MRPS27: variants seen among roughly 807,000 people sequenced by gnomAD.
MRPS27 encodes mitochondrial ribosomal protein S27.
A neutral mutation model predicts 48.9 loss-of-function variants in MRPS27; 43 were observed. The observed-to-expected ratio is 0.88, with a 90% CI of 0.69 to 1.13. The LOEUF (loss-of-function observed/expected upper bound fraction) is 1.13, where lower values mean the gene tolerates loss of function less well. Among genes scored for constraint, MRPS27 ranks in the 50% most tolerant of loss-of-function variants. The probability of loss-of-function intolerance (pLI) is 0.00; values close to 1 mark genes in which losing one functional copy is unlikely to be tolerated. For synonymous variants in MRPS27, 188 were observed against 171.9 expected, an observed-to-expected ratio of 1.09 and a Z score of -0.73; for missense variants, 467 against 476.3, an observed-to-expected ratio of 0.98 and a Z score of 0.18.
chr5:72,238,566 AAC>A (rs1748267439), intron 4 of MRPS27, among the ~76,000 whole-genome samples: 1 of 152,240 alleles, frequency 6.6e-6, no homozygotes, highest in Non-Finnish European at 1.5e-5. Context: ...AGCTTTGAGT[AAC>A]AGTGATACTT....
intron 10 of MRPS27, among the ~76,000 whole-genome samples, chr5:72,222,198 C>T (rs754227930): frequency 2.6e-5 from 4 of 152,170 alleles, no homozygotes; most frequent in South Asian, 2.1e-4. Context: ...AAATGTAAAA[C>T]GAAAATGATC....
chr5:72,231,106 G>A (rs895434769), intron 7 of MRPS27, among the ~76,000 whole-genome samples: 33 of 152,112 alleles, frequency 2.2e-4, no homozygotes, highest in Non-Finnish European at 3.7e-4. Context: ...CTTTTCAAGG[G>A]CTTCTCACTG....
Position 72,238,812 on chromosome 5 carries a change from T to C in MRPS27, c.282-684A>G, listed in dbSNP as rs16876660. 8.7e-3 allele frequency among the ~76,000 whole-genome samples: 1,331 copies of C among 152,250 alleles called. 28 individuals are homozygous for C. Among genetic ancestry groups the C allele is most frequent in the African/African-American group, 0.029 (1,211 of 41,560 alleles). On this transcript the variant is annotated intron_variant, in intron 4 of 10. Coordinates refer to ENST00000261413, the MANE Select transcript of MRPS27 (RefSeq NM_015084.3). ...GGATGAGTTATATACAGTAATAGTA[T>C]ACCTACAAAGGAACAGTGCTTGGAA...
intron 8 of MRPS27, 32 bp downstream of exon 8, chr5:72,228,234 A>G: frequency 2.0e-6 from 3 of 1,479,440 alleles, no homozygotes; most frequent in Non-Finnish European, 2.8e-6. Context: ...CTAACCATGA[A>G]GAACAGTATT....
intron 4 of MRPS27, chr5:72,241,759 C>A (rs898954630): frequency 1.4e-6 from 2 of 1,462,646 alleles, no homozygotes; most frequent in South Asian, 2.4e-5. Flanking sequence ...TGCAAACAGA[C>A]TGGCTTTTGT....
At chr5:72,288,935 C>T (rs1022057762) in intron 4 of MRPS27, 20 of 152,246 alleles carry the variant, frequency 1.3e-4, no homozygotes, top group African/African-American at 4.6e-4. Context: ...TTCCCCTTTT[C>T]CTACAGGCAG....
chr5:72,317,982 G>A (rs1750605857), intron 1 of MRPS27, among the ~76,000 whole-genome samples: 1 of 152,024 alleles, frequency 6.6e-6, no homozygotes, highest in Admixed American at 6.6e-5. Context: ...AATTGTCTTG[G>A]GCCACACATA....
intron 6 of MRPS27, 88 bp from the exon 7 acceptor site, chr5:72,232,646 G>A (rs572102050): frequency 3.5e-5 from 31 of 885,966 alleles, no homozygotes; most frequent in East Asian, 3.0e-4. Flanking sequence ...CTCTTAAAAC[G>A]TGGGGCATGG....
At position 72,221,079 on chromosome 5, in the gene MRPS27, G is replaced by A; in HGVS notation, c.1075C>T (p.Leu359Phe). Reference protein sequence around the residue: ...SEGLLSLTTQLVKEKLSTCEA... With the variant: ...SEGLLSLTTQFVKEKLSTCEA... ...CAGGTGGAGAGTTTTTCCTTGACAAGCTGGGTGGTCAGACTTAAAAGACCT... is the reference window on the plus strand; with the variant it reads ...CAGGTGGAGAGTTTTTCCTTGACAAACTGGGTGGTCAGACTTAAAAGACCT... Residue 359 changes from leucine (L) to phenylalanine (F), a missense_variant, in exon 11 of 11, where the codon CTT (leucine) becomes TTT (phenylalanine). Transcript: ENST00000261413. 6.2e-7 allele frequency: 1 copy of A among 1,614,176 alleles called. No individual in the cohort carries two copies. Among genetic ancestry groups the A allele is most frequent in the Non-Finnish European group, 8.5e-7 (1 of 1,180,006 alleles).
chr5:72,281,297 C>T (rs1450554108), intron 4 of MRPS27, among the ~76,000 whole-genome samples: 3 of 152,102 alleles, frequency 2.0e-5, no homozygotes, highest in Non-Finnish European at 4.4e-5. Flanking sequence ...CTCATAAATA[C>T]CCTAAAGCAC....
Position 72,320,224 on chromosome 5 carries a change from T to C in MRPS27, c.-3A>G. 1.9e-6 allele frequency: 3 copies of C among 1,613,954 alleles called. No homozygotes were observed. Among genetic ancestry groups the C allele is most frequent in the Non-Finnish European group, 2.5e-6 (3 of 1,179,886 alleles). The stretch of plus-strand genomic sequence containing the variant: ...CGCCGCACTATGGAGGCAGCCATCT[T>C]GGAGCGTACCAAAAGGAACAGCCAA... On this transcript the variant is annotated 5_prime_UTR_variant, in exon 1 of 11. Coordinates refer to ENST00000261413, the MANE Select transcript of MRPS27 (RefSeq NM_015084.3).
intron 3 of MRPS27, 62 bp from the exon 4 acceptor site, chr5:72,295,651 G>A: frequency 2.3e-6 from 3 of 1,293,400 alleles, no homozygotes; most frequent in Non-Finnish European, 2.2e-6. Flanking sequence ...TTGGCCTAGG[G>A]CCTAGATCAC....
chr5:72,248,208 A>C (rs1336195754), intron 4 of MRPS27, among the ~76,000 whole-genome samples: 1 of 152,242 alleles, frequency 6.6e-6, no homozygotes, highest in Non-Finnish European at 1.5e-5. Flanking sequence ...TTATACAAAC[A>C]AAATATGCTA....
chr5:72,311,720 C>A (rs1229014707), intron 2 of MRPS27, among the ~76,000 whole-genome samples: 1 of 152,228 alleles, frequency 6.6e-6, no homozygotes, highest in African/African-American at 2.4e-5. Flanking sequence ...CTCAGACTCT[C>A]TAACTGTAAG....
chr5:72,255,649 C>A (rs1377739213), intron 4 of MRPS27, among the ~76,000 whole-genome samples: 1 of 152,196 alleles, frequency 6.6e-6, no homozygotes. Flanking sequence ...AAGATTATTT[C>A]ATTTACTTAT....
chr5:72,273,239 C>G (rs1749291813), intron 4 of MRPS27, among the ~76,000 whole-genome samples: 1 of 152,184 alleles, frequency 6.6e-6, no homozygotes, highest in South Asian at 2.1e-4. Context: ...AGTGGACCAT[C>G]ACTCAAGCTG....
intron 8 of MRPS27, 64 bp from the exon 9 acceptor site, chr5:72,226,263 G>T: frequency 6.3e-7 from 1 of 1,587,374 alleles, no homozygotes; most frequent in South Asian, 1.1e-5. Flanking sequence ...TAAGACTGAG[G>T]ACCTGAAGGC....
At chr5:72,283,926 C>T (rs1749596971) in intron 4 of MRPS27, among the ~76,000 whole-genome samples, 1 of 152,038 alleles carries the variant, frequency 6.6e-6, no homozygotes, top group Non-Finnish European at 1.5e-5. Context: ...CTCCTATGTA[C>T]ATTTCTCTCT....
chr5:72,233,150 A>G (rs1561331765), intron 6 of MRPS27, among the ~76,000 whole-genome samples: 1 of 152,198 alleles, frequency 6.6e-6, no homozygotes, highest in Non-Finnish European at 1.5e-5. Context: ...AATAATGACT[A>G]TAAAAAGGAC....
Sources: gnomAD v4.1 joint callset for allele counts (sites outside exome capture counted in the v4.1 genomes callset) on GRCh38, gnomAD v4.1.1 for gene constraint, MANE v1.5 for transcripts, NCBI Gene and HGNC (gene_info 2026-07-23, HGNC 2026-07-21) for gene names.